Variants in DSCAM observed in about 807,000 individuals in gnomAD.
DSCAM encodes DS cell adhesion molecule, also known as cell adhesion molecule DSCAM.
DSCAM carries 47 observed loss-of-function variants against 217.7 expected under a neutral mutation model. The observed-to-expected ratio is 0.22, with a 90% CI of 0.17 to 0.28. The LOEUF is 0.28. Among genes scored for constraint, DSCAM ranks in the 10% least tolerant of loss-of-function variants. DSCAM has a pLI of 1.00. For synonymous variants in DSCAM, 1,056 were observed against 1,015.3 expected, an observed-to-expected ratio of 1.04 and a Z score of -0.76; for missense variants, 2,080 against 2,618.3, an observed-to-expected ratio of 0.79 and a Z score of 4.49.
At chr21:40,722,098 G>A (rs920641951) in intron 1 of DSCAM, among the ~76,000 whole-genome samples, 1 of 151,882 alleles carries the variant, frequency 6.6e-6, no homozygotes, top group African/African-American at 2.4e-5. Context: ...TTTTCATAAA[G>A]ACAAAATAAC....
chr21:40,453,040 T>TGTGTGTG (rs2075733141), intron 3 of DSCAM, among the ~76,000 whole-genome samples: 5 of 134,426 alleles, frequency 3.7e-5, no homozygotes, highest in South Asian at 2.7e-4. Context: ...TTTAAAGACT[T>TGTGTGTG]TGTGTGTGTG....
At chr21:40,193,341 G>T (rs527719702) in intron 11 of DSCAM, among the ~76,000 whole-genome samples, 2 of 135,566 alleles carry the variant, frequency 1.5e-5, no homozygotes, top group East Asian at 2.1e-4. Context: ...CACTAATCAA[G>T]ATTTTTTCTC....
chr21:40,139,423 G>A (rs1015089885), intron 18 of DSCAM, among the ~76,000 whole-genome samples: 7 of 152,008 alleles, frequency 4.6e-5, no homozygotes, highest in Admixed American at 3.3e-4. Context: ...GACAGGAAGC[G>A]GGGAGGGGAC....
chr21:40,494,619 ATAAAGAAGTT>A (rs948636954), intron 3 of DSCAM, among the ~76,000 whole-genome samples: 3 of 152,168 alleles, frequency 2.0e-5, no homozygotes, highest in Admixed American at 6.5e-5. Context: ...AGTAGTTCTA[ATAAAGAAGTT>A]TTTAACAAAA....
intron 11 of DSCAM, among the ~76,000 whole-genome samples, chr21:40,213,723 C>T (rs1300702480): frequency 1.3e-5 from 2 of 152,122 alleles, no homozygotes; most frequent in East Asian, 3.9e-4. Flanking sequence ...GGGGTTCCTT[C>T]TCCATGAAAA....
rs543532817 is a variant in DSCAM at position 40,031,969 on chromosome 21, G to A, written c.5686+10402C>T. Among the ~76,000 whole-genome samples the A allele has an allele frequency of 9.9e-5, 15 of 152,170 alleles. No individual in the cohort carries two copies. The East Asian group carries it at 2.3e-3, about 24-fold the overall frequency. ...CCCCTGGTCTCCAGCCTCCAACCTT[G>A]CCCCTAGTCTCCAGCCTTCAACTTT... On this transcript the variant is annotated intron_variant, in intron 32 of 32. Transcript: ENST00000400454.
intron 3 of DSCAM, among the ~76,000 whole-genome samples, chr21:40,533,627 AACCCTCCATCCATCTG>A (rs1274459718): frequency 1.3e-5 from 2 of 148,658 alleles, no homozygotes; most frequent in Non-Finnish European, 3.0e-5. Flanking sequence ...CCATCCATCC[AACCCTCCATCCATCTG>A]TCCATCCATC....
chr21:40,650,775 G>A (rs760639407), intron 3 of DSCAM, among the ~76,000 whole-genome samples: 16 of 152,298 alleles, frequency 1.1e-4, no homozygotes, highest in East Asian at 7.7e-4. Flanking sequence ...TTAGCCAGGC[G>A]TGGTGGTGTG....
chr21:40,360,098 G>T (rs1167906599), intron 4 of DSCAM, among the ~76,000 whole-genome samples: 4 of 143,314 alleles, frequency 2.8e-5, no homozygotes, highest in Non-Finnish European at 1.5e-5. Flanking sequence ...TCCTCAGGTA[G>T]TGAGCATGGT....
intron 1 of DSCAM, among the ~76,000 whole-genome samples, chr21:40,733,015 T>C (rs1166482131): frequency 1.3e-5 from 2 of 152,252 alleles, no homozygotes; most frequent in Admixed American, 1.3e-4. Flanking sequence ...TCTATTTTTT[T>C]CTTCCTGTAT....
intron 3 of DSCAM, among the ~76,000 whole-genome samples, chr21:40,686,451 C>G (rs961780045): frequency 1.3e-5 from 2 of 152,076 alleles, no homozygotes; most frequent in African/African-American, 2.4e-5. Flanking sequence ...TATGTGGACA[C>G]GCACATCACA....
At position 40,579,274 on chromosome 21, in the gene DSCAM, C is replaced by CAA. The variant is rs35181324; in HGVS notation, c.508+113534_508+113535dup. Among the ~76,000 whole-genome samples, 123 of 149,148 alleles carry CAA rather than the reference C, an allele frequency of 8.2e-4. 1 individual carries two copies. Among genetic ancestry groups the CAA allele is most frequent in the Middle Eastern group, 6.9e-3 (2 of 290 alleles). ...TTAATTTGGATTCTGAAAGCAGATC[C>CAA]AAAAAAAAACCTCAATAAAACTTCA... On this transcript the variant is annotated intron_variant, in intron 3 of 32. Coordinates refer to ENST00000400454, the MANE Select transcript of DSCAM (RefSeq NM_001389.5).
At chr21:40,709,969 G>A (rs764140095) in intron 1 of DSCAM, among the ~76,000 whole-genome samples, 10 of 152,226 alleles carry the variant, frequency 6.6e-5, no homozygotes, top group South Asian at 2.1e-4. Context: ...GTGTTAAAGC[G>A]TTCCTATTTC....
chr21:40,766,932 C>T (rs768396138), intron 1 of DSCAM, among the ~76,000 whole-genome samples: 2 of 152,160 alleles, frequency 1.3e-5, no homozygotes, highest in Admixed American at 1.3e-4. Flanking sequence ...GTGATCCACC[C>T]GCCTTGGCCT....
chr21:40,709,725 T>C (rs1362081549), intron 1 of DSCAM, among the ~76,000 whole-genome samples: 4 of 152,222 alleles, frequency 2.6e-5, no homozygotes, highest in African/African-American at 9.6e-5. Flanking sequence ...ACATTTTCTT[T>C]ATCCAGTCTA....
intron 3 of DSCAM, among the ~76,000 whole-genome samples, chr21:40,411,989 G>C (rs1050581798): frequency 6.6e-6 from 1 of 152,168 alleles, no homozygotes; most frequent in Non-Finnish European, 1.5e-5. Context: ...TCCTGTTCTT[G>C]TGGTAGTGAA....
chr21:40,144,658 C>T lies in DSCAM; in HGVS notation c.3092G>A (p.Gly1031Asp). 5 of 1,614,136 alleles carry T rather than the reference C, an allele frequency of 3.1e-6. No individual in the cohort carries two copies. The highest frequency in any genetic ancestry group is 4.2e-6 in the Non-Finnish European group (5 of 1,180,034). Residue 1031 changes from glycine (G) to aspartate (D), a missense_variant, in exon 17 of 33, where the codon GGT becomes GAT. Gly to Asp is a moderately conservative substitution (Grantham distance 94, BLOSUM62 -1). Around this residue, in one of 5 missense-constraint regions of DSCAM, gnomAD observed 1,144 missense variants for 1,421.1 expected, o/e 0.81. Coordinates refer to ENST00000400454, the MANE Select transcript of DSCAM (RefSeq NM_001389.5). This position sits in a 1 kb window ranked among gnomAD's most constrained non-coding sequence, Gnocchi z 4.8. ...QIGYREYSTG[G>D]NFQFNIISVD... ...ACTGATAATGTTGAATTGGAAGTTA[C>T]CCCCAGTGCTGTACTCTCGGTAACC...
intron 32 of DSCAM, among the ~76,000 whole-genome samples, chr21:40,035,370 C>T (rs1482064249): frequency 1.9e-5 from 2 of 104,294 alleles, no homozygotes; most frequent in Non-Finnish European, 3.8e-5. Flanking sequence ...CAATCCTAGT[C>T]TCAGATAAAA....
chr21:40,682,067 GGTATTTTTTT>G (rs1227656848), intron 3 of DSCAM, among the ~76,000 whole-genome samples: 30 of 151,948 alleles, frequency 2.0e-4, no homozygotes, highest in African/African-American at 7.0e-4. Flanking sequence ...GTCAGTTCAT[GGTATTTTTTT>G]TTTGTAGTCC....
Sources: gnomAD v4.1 joint callset for allele counts (sites outside exome capture counted in the v4.1 genomes callset) on GRCh38, gnomAD v4.1.1 for gene constraint, gnomAD v4.1.1 regional missense constraint, Gnocchi (gnomAD v3.1) non-coding constraint, MANE v1.5 for transcripts, NCBI Gene and HGNC (gene_info 2026-07-23, HGNC 2026-07-21) for gene names.